SLC25A21: variants seen among roughly 807,000 people sequenced by gnomAD.
The protein encoded by SLC25A21 is solute carrier family 25 member 21, also known as mitochondrial 2-oxodicarboxylate carrier.
Under a neutral mutation model 43.8 loss-of-function variants are expected in SLC25A21, and 47 were observed. The observed-to-expected ratio is 1.07, with a 90% confidence interval of 0.85 to 1.37. The LOEUF is 1.37. Ranked by LOEUF, SLC25A21 falls within the 40% of genes most tolerant of loss-of-function variation. The pLI, the probability that SLC25A21 is intolerant of heterozygous loss-of-function variation, is 0.00. For synonymous variants in SLC25A21, 131 were observed against 121.3 expected (o/e 1.08, Z -0.52); for missense variants, 352 against 350.2 (o/e 1.00, Z -0.04).
At chr14:37,064,214 G>C (rs1485431679) in intron 1 of SLC25A21, among the ~76,000 whole-genome samples, 2 of 152,034 alleles carry the variant, frequency 1.3e-5, no homozygotes. Flanking sequence ...AGAACTCCAG[G>C]CTCTCCAAGA....
At chr14:36,873,614 C>CT (rs1159939353) in intron 2 of SLC25A21, among the ~76,000 whole-genome samples, 2 of 152,046 alleles carry the variant, frequency 1.3e-5, no homozygotes, top group African/African-American at 4.8e-5. Context: ...TCTTCTTTCT[C>CT]TTTGAGTTTA....
At chr14:36,772,633 C>T (rs1886663772) in intron 3 of SLC25A21, among the ~76,000 whole-genome samples, 1 of 152,194 alleles carries the variant, frequency 6.6e-6, no homozygotes, top group African/African-American at 2.4e-5. Flanking sequence ...GCTCCTCAAT[C>T]ACTCCCTAAC....
At chr14:36,739,365 T>C (rs1019807892) in intron 3 of SLC25A21, among the ~76,000 whole-genome samples, 3 of 152,274 alleles carry the variant, frequency 2.0e-5, no homozygotes, top group South Asian at 2.1e-4. Context: ...CTCCCCAAGA[T>C]AGACTTTTGC....
intron 1 of SLC25A21, among the ~76,000 whole-genome samples, chr14:37,077,763 T>C (rs1962310224): frequency 6.6e-6 from 1 of 152,144 alleles, no homozygotes; most frequent in African/African-American, 2.4e-5. Context: ...AATATTAATA[T>C]AATGGTCAGT....
At chr14:36,866,258 A>G (rs1012023178) in intron 2 of SLC25A21, among the ~76,000 whole-genome samples, 3 of 152,182 alleles carry the variant, frequency 2.0e-5, no homozygotes, top group African/African-American at 7.2e-5. Flanking sequence ...CTACAGGTCC[A>G]CTGCTGTACC....
At position 36,680,393 on chromosome 14, in the gene SLC25A21, TATG is replaced by T; in HGVS notation, c.*262_*264del. Reference sequence around the variant, plus strand: ...TTCTATTTATTTTATGAAATAAATATATGATTTCTATGCTATTTTTCTATATTC... The same window carrying T: ...TTCTATTTATTTTATGAAATAAATATATTTCTATGCTATTTTTCTATATTC... On this transcript the variant is annotated 3_prime_UTR_variant, in exon 10 of 10. Coordinates refer to ENST00000331299, the MANE Select transcript of SLC25A21 (RefSeq NM_030631.4). 1 of 1,073,152 alleles carries T rather than the reference TATG, an allele frequency of 9.3e-7. No individual in the cohort carries two copies. Among genetic ancestry groups the T allele is most frequent in the Non-Finnish European group, 1.1e-6 (1 of 878,404 alleles). The allele number at this position is 1,073,152 out of a possible 1,614,324, so 66.5% of individuals were successfully genotyped here. A position where few individuals can be genotyped will look rare whatever the true frequency, so the allele number is the denominator to read the frequency against.
intron 2 of SLC25A21, among the ~76,000 whole-genome samples, chr14:36,861,657 A>C (rs537313034): frequency 6.6e-6 from 1 of 152,370 alleles, no homozygotes; most frequent in African/African-American, 2.4e-5. Flanking sequence ...TTTTACTTTC[A>C]CTGATGGCAG....
intron 2 of SLC25A21, among the ~76,000 whole-genome samples, chr14:36,853,224 T>G (rs1327888039): frequency 6.6e-6 from 1 of 152,194 alleles, no homozygotes; most frequent in Non-Finnish European, 1.5e-5. Flanking sequence ...GGGCCATGCT[T>G]CCACTGACAT....
Position 36,764,034 on chromosome 14 carries a change from G to A in SLC25A21, c.204-29461C>T, listed in dbSNP as rs995522978. On this transcript the variant is annotated intron_variant, in intron 3 of 9. Transcript: ENST00000331299. ...ACAGAGCAAGACTCTGTGAAAGAAA[G>A]AAAAAGAAAGAAAGAAAGAAAGAAA... 2.7e-4 allele frequency among the ~76,000 whole-genome samples: 12 copies of A among 45,194 alleles called. 1 individual carries two copies. The highest frequency in any genetic ancestry group is 9.5e-4 in the African/African-American group (11 of 11,614). The allele number at this position is 45,194 out of a possible 152,430, so 29.6% of individuals were successfully genotyped here.
chr14:37,124,834 G>A (rs951285786), intron 1 of SLC25A21, among the ~76,000 whole-genome samples: 5 of 152,080 alleles, frequency 3.3e-5, no homozygotes, highest in African/African-American at 1.2e-4. Flanking sequence ...GTGTGGCGCC[G>A]CCTACCTCTC....
chr14:37,050,157 T>C (rs1170624078), intron 1 of SLC25A21, among the ~76,000 whole-genome samples: 1 of 152,208 alleles, frequency 6.6e-6, no homozygotes, highest in Non-Finnish European at 1.5e-5. Context: ...GCCTTTAGTG[T>C]GAAGTGTGTT....
At chr14:36,871,994 A>G (rs1890387198) in intron 2 of SLC25A21, among the ~76,000 whole-genome samples, 1 of 152,300 alleles carries the variant, frequency 6.6e-6, no homozygotes, top group Admixed American at 6.5e-5. Flanking sequence ...AGTGCAGGCA[A>G]TTTTGGGAAA....
At chr14:36,731,270 GTAATT>G (rs934219300) in intron 4 of SLC25A21, among the ~76,000 whole-genome samples, 3 of 152,156 alleles carry the variant, frequency 2.0e-5, no homozygotes, top group Non-Finnish European at 4.4e-5. Flanking sequence ...GCTTTTAAAA[GTAATT>G]TATTTTTCTT....
intron 3 of SLC25A21, among the ~76,000 whole-genome samples, chr14:36,751,722 T>C (rs750974834): frequency 3.3e-5 from 5 of 152,216 alleles, no homozygotes; most frequent in Non-Finnish European, 5.9e-5. Flanking sequence ...ATCATTGAAA[T>C]AGTAAACATA....
intron 1 of SLC25A21, among the ~76,000 whole-genome samples, chr14:37,166,802 C>A (rs542367658): frequency 4.1e-4 from 63 of 152,224 alleles, no homozygotes; most frequent in African/African-American, 1.5e-3. Flanking sequence ...TAGGAAAGTT[C>A]TTTGTAGGTG....
At chr14:37,103,493 T>C (rs1320359274) in intron 1 of SLC25A21, among the ~76,000 whole-genome samples, 1 of 152,246 alleles carries the variant, frequency 6.6e-6, no homozygotes, top group East Asian at 1.9e-4. Context: ...TTCATTTAAC[T>C]CTTTCAATAA....
intron 1 of SLC25A21, among the ~76,000 whole-genome samples, chr14:36,980,233 C>T (rs556399648): frequency 6.6e-6 from 1 of 152,236 alleles, no homozygotes; most frequent in Admixed American, 6.5e-5. Flanking sequence ...CTTGGAGTTG[C>T]CCTTCTCGAG....
chr14:36,736,298 T>C (rs1885038200), intron 3 of SLC25A21, among the ~76,000 whole-genome samples: 1 of 152,134 alleles, frequency 6.6e-6, no homozygotes, highest in Non-Finnish European at 1.5e-5. Context: ...AGCAGATACA[T>C]GATTTGGAGA....
chr14:37,044,289 T>C (rs17106078), intron 1 of SLC25A21, among the ~76,000 whole-genome samples: 10,962 of 152,186 alleles, frequency 0.072, 845 homozygotes, highest in African/African-American at 0.19. Context: ...CCTTTTTTAA[T>C]AGCCTTATAA....
Sources: gnomAD v4.1 joint callset for allele counts (sites outside exome capture counted in the v4.1 genomes callset) on GRCh38, gnomAD v4.1.1 for gene constraint, MANE v1.5 for transcripts, NCBI Gene and HGNC (gene_info 2026-07-23, HGNC 2026-07-21) for gene names.